Variants in FHIT observed in about 807,000 individuals in gnomAD.
FHIT encodes the protein fragile histidine triad diadenosine triphosphatase, also known as bis(5'-adenosyl)-triphosphatase.
In FHIT, 19 loss-of-function variants were observed where a neutral mutation model predicts 17.9. That is an observed-to-expected ratio of 1.06 (90% CI 0.74 to 1.56). The LOEUF is 1.56. Among genes scored for constraint, FHIT ranks in the 40% most tolerant of loss-of-function variants. FHIT has a pLI of 0.00. For synonymous variants in FHIT, 81 were observed against 69.7 expected (o/e 1.16, Z -0.81); for missense variants, 248 against 189.2 (o/e 1.31, Z -1.82).
At chr3:59,964,256 T>A (rs1372685754) in intron 7 of FHIT, among the ~76,000 whole-genome samples, 1 of 152,046 alleles carries the variant, frequency 6.6e-6, no homozygotes, top group Non-Finnish European at 1.5e-5. Flanking sequence ...TGCATGGAGG[T>A]ATGAAAAAGG....
At chr3:60,574,613 T>C (rs1553656921) in intron 4 of FHIT, among the ~76,000 whole-genome samples, 2 of 152,078 alleles carry the variant, frequency 1.3e-5, no homozygotes, top group Non-Finnish European at 2.9e-5. Context: ...AACTTCAGGA[T>C]TGTAAAGTTG....
intron 4 of FHIT, among the ~76,000 whole-genome samples, chr3:60,640,109 C>T (rs1158857292): frequency 1.3e-5 from 2 of 152,078 alleles, no homozygotes; most frequent in South Asian, 2.1e-4. Context: ...ATAAAATCAA[C>T]GGTTGCCTGA....
In FHIT at chr3:59,876,415, G is replaced by A. The variant is rs1290020994; in HGVS notation, c.348+45931C>T. Among the ~76,000 whole-genome samples, 3 of 148,070 alleles carry A rather than the reference G, an allele frequency of 2.0e-5. No individual in the cohort carries two copies. The South Asian group carries it at 6.6e-4, about 33-fold the overall frequency. Reference sequence around the variant, plus strand: ...ATTATAGAGAAGTATTTGGCTTCTGGGGCCACTGGGACAGGGGCAGGGAGG... The same window carrying A: ...ATTATAGAGAAGTATTTGGCTTCTGAGGCCACTGGGACAGGGGCAGGGAGG... On this transcript the variant is annotated intron_variant, in intron 8 of 9. Coordinates refer to ENST00000492590, the MANE Select transcript of FHIT (RefSeq NM_002012.4).
intron 3 of FHIT, among the ~76,000 whole-genome samples, chr3:60,878,122 C>G (rs1704756118): frequency 6.6e-6 from 1 of 152,132 alleles, no homozygotes; most frequent in Admixed American, 6.5e-5. Flanking sequence ...GGGCTGTATC[C>G]TATTCCCCAG....
At chr3:59,991,392 G>T (rs751098289) in intron 7 of FHIT, among the ~76,000 whole-genome samples, 5 of 152,038 alleles carry the variant, frequency 3.3e-5, no homozygotes, top group African/African-American at 4.8e-5. Context: ...GTTTTGGCCT[G>T]CAATGTAAAT....
intron 2 of FHIT, among the ~76,000 whole-genome samples, chr3:61,101,733 G>A (rs2035836652): frequency 6.6e-6 from 1 of 152,102 alleles, no homozygotes; most frequent in East Asian, 1.9e-4. Context: ...ATTTTGTTGA[G>A]CAGTGGTTGG....
At chr3:60,246,981 T>G (rs1419338289) in intron 5 of FHIT, among the ~76,000 whole-genome samples, 1 of 152,136 alleles carries the variant, frequency 6.6e-6, no homozygotes, top group East Asian at 1.9e-4. Context: ...GATACTCTAA[T>G]GGTAGATTAC....
intron 4 of FHIT, among the ~76,000 whole-genome samples, chr3:60,571,356 A>AAAAAAAAAAAAG (rs1559549048): frequency 7.0e-6 from 1 of 143,042 alleles, no homozygotes; most frequent in Admixed American, 7.2e-5. Flanking sequence ...AAAAAAAAAA[A>AAAAAAAAAAAAG]AAAAAAAGAA....
chr3:60,666,060 AT>A (rs1455507243), intron 4 of FHIT, among the ~76,000 whole-genome samples: 1 of 152,046 alleles, frequency 6.6e-6, no homozygotes, highest in Non-Finnish European at 1.5e-5. Context: ...TGTCCTTCCC[AT>A]TTTTCAATAA....
chr3:59,760,372 T>C (rs956550757), intron 8 of FHIT, among the ~76,000 whole-genome samples: 9 of 152,164 alleles, frequency 5.9e-5, no homozygotes, highest in African/African-American at 9.7e-5. Flanking sequence ...CAATTATACA[T>C]TGAAGTATCA....
At chr3:60,122,134 T>C (rs1285055377) in intron 5 of FHIT, among the ~76,000 whole-genome samples, 1 of 151,718 alleles carries the variant, frequency 6.6e-6, no homozygotes, top group Non-Finnish European at 1.5e-5. Flanking sequence ...CTAGAGATAA[T>C]AAAAGAGACG....
intron 8 of FHIT, among the ~76,000 whole-genome samples, chr3:59,865,877 C>G (rs1208897667): frequency 6.6e-6 from 1 of 152,162 alleles, no homozygotes; most frequent in Non-Finnish European, 1.5e-5. Context: ...TCGGCAGAGG[C>G]AGGAACGGGG....
intron 7 of FHIT, among the ~76,000 whole-genome samples, chr3:59,948,584 G>C (rs1464067866): frequency 6.6e-6 from 1 of 151,850 alleles, no homozygotes; most frequent in African/African-American, 2.4e-5. Context: ...CAGAGTAGTA[G>C]TTGTCTTCTA....
chr3:60,995,307 G>A (rs979739183), intron 3 of FHIT, among the ~76,000 whole-genome samples: 2 of 151,958 alleles, frequency 1.3e-5, no homozygotes, highest in African/African-American at 2.4e-5. Flanking sequence ...GGGACAGAGC[G>A]AGACTCTGTC....
intron 2 of FHIT, among the ~76,000 whole-genome samples, chr3:61,047,306 C>T (rs2033839165): frequency 1.3e-5 from 2 of 152,096 alleles, no homozygotes; most frequent in Admixed American, 6.5e-5. Flanking sequence ...AATCAATGTG[C>T]AAAAATCACA....
chr3:61,099,115 G>GT (rs972865932), intron 2 of FHIT, among the ~76,000 whole-genome samples: 55 of 152,206 alleles, frequency 3.6e-4, no homozygotes, highest in Middle Eastern at 6.8e-3. Context: ...TTTAGTGAGA[G>GT]TTTTTTAACA....
intron 5 of FHIT, among the ~76,000 whole-genome samples, chr3:60,135,039 A>G (rs1057070679): frequency 7.9e-5 from 12 of 152,158 alleles, no homozygotes; most frequent in African/African-American, 2.7e-4. Flanking sequence ...GAGGGAGTGA[A>G]TATCTAGCTG....
rs62268665 is a variant in FHIT at position 60,976,084 on chromosome 3, G to C, written c.-111+65963C>G. On this transcript the variant is annotated intron_variant, in intron 3 of 9. Coordinates refer to ENST00000492590, the MANE Select transcript of FHIT (RefSeq NM_002012.4). Reference sequence around the variant, plus strand: ...CCTCCAAACATACTTTGTATCTTTCGTTTTTCTTTTTCTTTTTTTTTTTTT... The same window carrying C: ...CCTCCAAACATACTTTGTATCTTTCCTTTTTCTTTTTCTTTTTTTTTTTTT... Among the ~76,000 whole-genome samples, 57 of 112,710 alleles carry C rather than the reference G, an allele frequency of 5.1e-4. 2 individuals carry two copies. The highest frequency in any genetic ancestry group is 1.6e-3 in the African/African-American group (52 of 31,866). The allele number at this position is 112,710 out of a possible 152,430, so 73.9% of individuals were successfully genotyped here. A position where few individuals can be genotyped will look rare whatever the true frequency, so the allele number is the denominator to read the frequency against.
chr3:60,952,772 A>G (rs782502793), intron 3 of FHIT, among the ~76,000 whole-genome samples: 2 of 152,188 alleles, frequency 1.3e-5, no homozygotes, highest in African/African-American at 4.8e-5. Context: ...AGACTAGGAA[A>G]AGTCTGTACA....
Sources: allele counts gnomAD v4.1 joint callset (sites outside exome capture counted in the v4.1 genomes callset), GRCh38; gene constraint gnomAD v4.1.1; transcripts MANE v1.5; gene names NCBI Gene and HGNC (gene_info 2026-07-23, HGNC 2026-07-21).